The following RNASEH2B variants were observed in gnomAD, a reference collection of about 807,000 sequenced individuals.
RNASEH2B encodes the protein Aicardi-Goutieres syndrome 2 protein.
Under a neutral mutation model 45.0 loss-of-function variants are expected in RNASEH2B, and 36 were observed. That is an observed-to-expected ratio of 0.80 (90% CI 0.61 to 1.06). RNASEH2B has a LOEUF of 1.06. RNASEH2B is among the 50% of genes least tolerant of loss of function. The pLI is 0.00. For missense variants in RNASEH2B, 361 were observed against 360.3 expected, an observed-to-expected ratio of 1.00 and a Z score of -0.02; for synonymous variants, 119 against 125.7, an observed-to-expected ratio of 0.95 and a Z score of 0.35.
chr13:50,928,065 T>C (rs1283417992), intron 2 of RNASEH2B, among the ~76,000 whole-genome samples: 1 of 152,162 alleles, frequency 6.6e-6, no homozygotes, highest in Admixed American at 6.5e-5. Context: ...ATTTTAACTT[T>C]ATATTCAGTG....
intron 9 of RNASEH2B, among the ~76,000 whole-genome samples, chr13:50,966,923 A>G (rs1427186766): frequency 2.0e-5 from 3 of 152,220 alleles, no homozygotes. Flanking sequence ...TGAAAAAAGG[A>G]CTTCACATCA....
At chr13:50,958,685 T>G (rs1376631679), downstream of RNASEH2B, among the ~76,000 whole-genome samples, 1 of 152,208 alleles carries the variant, frequency 6.6e-6, no homozygotes, top group Non-Finnish European at 1.5e-5. Context: ...CCCAGACTAC[T>G]AACTGTTCTT....
intron 5 of RNASEH2B, chr13:50,936,953 G>C (rs945950719): frequency 6.6e-6 from 1 of 152,074 alleles, no homozygotes; most frequent in Admixed American, 6.5e-5. Context: ...TGGAAGTTCT[G>C]TACTTCCATT....
intron 3 of RNASEH2B, chr13:50,930,219 A>G: frequency 4.0e-6 from 1 of 252,768 alleles, no homozygotes; most frequent in South Asian, 4.7e-5. Flanking sequence ...CACGGAAGGG[A>G]CTGTGTATAG....
chr13:50,939,632 C>T (rs1304143460), intron 5 of RNASEH2B, among the ~76,000 whole-genome samples: 2 of 151,312 alleles, frequency 1.3e-5, no homozygotes, highest in African/African-American at 4.8e-5. Flanking sequence ...CTTATATGGT[C>T]AATTGATTTT....
chr13:50,968,244 T>C (rs1024837891), intron 9 of RNASEH2B, among the ~76,000 whole-genome samples: 2 of 151,154 alleles, frequency 1.3e-5, no homozygotes, highest in Non-Finnish European at 3.0e-5. Flanking sequence ...AAAAAAAAAA[T>C]AAAAAATTAG....
chr13:50,945,361 T>A, intron 6 of RNASEH2B, 66 bp from the exon 7 acceptor site: 1 of 1,108,830 alleles, frequency 9.0e-7, no homozygotes, highest in Non-Finnish European at 1.4e-6. Context: ...AGGCCACCTA[T>A]GAATTCATAG....
intron 6 of RNASEH2B, among the ~76,000 whole-genome samples, chr13:50,944,131 T>C (rs894616258): frequency 2.0e-5 from 3 of 151,968 alleles, no homozygotes; most frequent in Admixed American, 6.6e-5. Flanking sequence ...CTCTGTGAAA[T>C]GTATTTATAT....
intron 2 of RNASEH2B, 47 bp from the exon 3 acceptor site, chr13:50,929,428 G>T: frequency 1.8e-6 from 2 of 1,119,810 alleles, no homozygotes; most frequent in Non-Finnish European, 2.7e-6. Flanking sequence ...GTGTGTTTGT[G>T]TGTGTGTGTG....
chr13:50,925,007 T>A (rs1951573414), intron 1 of RNASEH2B, among the ~76,000 whole-genome samples: 1 of 152,172 alleles, frequency 6.6e-6, no homozygotes, highest in Non-Finnish European at 1.5e-5. Context: ...TTGTTCCCTC[T>A]TCTCCTTTTG....
intron 10 of RNASEH2B, 107 bp from the exon 11 acceptor site, chr13:50,956,251 C>T: frequency 1.1e-6 from 1 of 925,730 alleles, no homozygotes; most frequent in Non-Finnish European, 1.7e-6. Context: ...GTGGGGGATG[C>T]TTACCTTCCT....
intron 9 of RNASEH2B, chr13:50,952,475 T>TA (rs1263617152): frequency 6.6e-6 from 1 of 152,142 alleles, no homozygotes; most frequent in African/African-American, 2.4e-5. Context: ...AATCTCAGCT[T>TA]ACTGCAGTCT....
chr13:50,925,685 G>C (rs1951585816), intron 1 of RNASEH2B, among the ~76,000 whole-genome samples: 1 of 152,170 alleles, frequency 6.6e-6, no homozygotes, highest in Non-Finnish European at 1.5e-5. Flanking sequence ...ATGAGGTACT[G>C]CTCCCTCGAA....
Position 50,927,492 on chromosome 13 carries a change from T to C in RNASEH2B, c.136+14T>C. The C allele has an allele frequency of 6.6e-7, 1 of 1,519,512 alleles. No individual in the cohort carries two copies. Among genetic ancestry groups the C allele is most frequent in the East Asian group, 2.3e-5 (1 of 44,264 alleles). The allele number at this position is 1,519,512 out of a possible 1,614,324, so 94.1% of individuals were successfully genotyped here. A position where few individuals can be genotyped will look rare whatever the true frequency, so the allele number is the denominator to read the frequency against. On this transcript the variant is annotated intron_variant, in intron 2 of 10. Transcript: ENST00000336617. Reference sequence around the variant, plus strand: ...ACCCCTGTTCAGGTAAGTTCTCTTCTCATAACTTGAATGTTCTTAAATGTT... The same window carrying C: ...ACCCCTGTTCAGGTAAGTTCTCTTCCCATAACTTGAATGTTCTTAAATGTT...
At chr13:50,911,442 A>G (rs1294283998) in intron 1 of RNASEH2B, 1 of 152,284 alleles carries the variant, frequency 6.6e-6, no homozygotes, top group African/African-American at 2.4e-5. Context: ...ATTACAAGTT[A>G]CACTTCTCAG....
chr13:50,956,457 A>G lies in RNASEH2B; in HGVS notation c.922A>G (p.Lys308Glu). The G allele has an allele frequency of 6.3e-7, 1 of 1,597,118 alleles. No individual in the cohort carries two copies. The highest frequency in any genetic ancestry group is 8.6e-7 in the Non-Finnish European group (1 of 1,169,408). ...CTTTTTTGGGGTAAAAAATAAAAAA[A>G]AAATTGGAAAGGTTTGAAACTTTGA... ...DTFFGVKNKK[K>E]IGKV is the part of the protein sequence containing the mutation. Residue 308 changes from lysine to glutamate, a missense_variant, in exon 11 of 11, where the codon AAA becomes GAA. Lys to Glu is a moderately conservative substitution (Grantham distance 56). Coordinates refer to ENST00000336617, the MANE Select transcript of RNASEH2B (RefSeq NM_024570.4).
At chr13:50,909,788 A>C, upstream of RNASEH2B, 1 of 331,378 alleles carries the variant, frequency 3.0e-6, no homozygotes, top group Non-Finnish European at 5.5e-6. Context: ...ATGAGCACCT[A>C]CCACTAGCGG....
Position 50,922,013 on chromosome 13 carries a change from C to T in RNASEH2B, c.65-5394C>T, listed in dbSNP as rs73499728. Among the ~76,000 whole-genome samples the T allele has an allele frequency of 6.8e-3, 1,033 of 152,278 alleles. 9 individuals are homozygous for T. The highest frequency in any genetic ancestry group is 0.024 in the African/African-American group (985 of 41,550). ...CTGGATGGAAGATCCTCAAGAAGTC[C>T]CATTCCCAGAGCATTGTCCCTATTT... On this transcript the variant is annotated intron_variant, in intron 1 of 10. Transcript: ENST00000336617.
intron 1 of RNASEH2B, among the ~76,000 whole-genome samples, chr13:50,925,034 A>G (rs542757983): frequency 3.3e-4 from 50 of 152,060 alleles, no homozygotes; most frequent in African/African-American, 1.1e-3. Flanking sequence ...CCAGTTATAC[A>G]TATATTAAAA....
Sources: allele counts gnomAD v4.1 joint callset (sites outside exome capture counted in the v4.1 genomes callset), GRCh38; gene constraint gnomAD v4.1.1; transcripts MANE v1.5; gene names NCBI Gene and HGNC (gene_info 2026-07-23, HGNC 2026-07-21).